Variants in FGGY observed in about 807,000 individuals in gnomAD.
The protein encoded by FGGY is FGGY carbohydrate kinase domain containing.
Under a neutral mutation model 71.3 loss-of-function variants are expected in FGGY, and 72 were observed. The observed-to-expected ratio is 1.01, with a 90% CI of 0.84 to 1.23. FGGY has a LOEUF of 1.23. FGGY is among the 50% of genes most tolerant of loss of function. The probability of loss-of-function intolerance (pLI) is 0.00; values close to 1 mark genes in which losing one functional copy is unlikely to be tolerated. For missense variants in FGGY, 668 were observed against 682.3 expected, an observed-to-expected ratio of 0.98 and a Z score of 0.23; for synonymous variants, 251 against 250.3, an observed-to-expected ratio of 1.00 and a Z score of -0.02.
chr1:59,451,593 GT>G (rs2072745380), intron 5 of FGGY, among the ~76,000 whole-genome samples: 2 of 152,062 alleles, frequency 1.3e-5, no homozygotes, highest in Non-Finnish European at 2.9e-5. Context: ...GGGTCTCAGT[GT>G]CTACTGGTTC....
intron 14 of FGGY, among the ~76,000 whole-genome samples, chr1:59,741,043 C>T (rs1475511812): frequency 2.6e-5 from 4 of 152,198 alleles, no homozygotes; most frequent in African/African-American, 7.2e-5. Context: ...AGTTCACTTA[C>T]ACTTTTTTAA....
At chr1:59,451,771 G>C (rs79212178) in intron 5 of FGGY, among the ~76,000 whole-genome samples, 1,750 of 152,196 alleles carry the variant, frequency 0.011, 34 homozygotes, top group African/African-American at 0.04. Flanking sequence ...ATAATATTTT[G>C]TCTGGGTATA....
At chr1:59,409,859 A>G (rs2063344336) in intron 5 of FGGY, among the ~76,000 whole-genome samples, 1 of 152,154 alleles carries the variant, frequency 6.6e-6, no homozygotes, top group African/African-American at 2.4e-5. Flanking sequence ...GTTTTATGCA[A>G]TATGCATCTA....
chr1:59,453,870 G>C (rs547528207), intron 5 of FGGY, among the ~76,000 whole-genome samples: 146 of 152,280 alleles, frequency 9.6e-4, no homozygotes, highest in African/African-American at 3.3e-3. Flanking sequence ...CCTACAATGT[G>C]GGGGACAGGA....
intron 14 of FGGY, among the ~76,000 whole-genome samples, chr1:59,743,632 C>T (rs2101460849): frequency 6.6e-6 from 1 of 151,274 alleles, no homozygotes; most frequent in South Asian, 2.1e-4. Context: ...ACATCATGTG[C>T]CTATCTATAA....
chr1:59,588,934 T>C (rs374356260), intron 8 of FGGY, among the ~76,000 whole-genome samples: 1 of 152,124 alleles, frequency 6.6e-6, no homozygotes, highest in South Asian at 2.1e-4. Flanking sequence ...AATTCACACA[T>C]AACAATATTA....
chr1:59,710,449 G>A (rs2097785828), intron 14 of FGGY, among the ~76,000 whole-genome samples: 1 of 152,134 alleles, frequency 6.6e-6, no homozygotes, highest in Admixed American at 6.5e-5. Flanking sequence ...TGACAAATGG[G>A]ATCTAATTAA....
intron 4 of FGGY, among the ~76,000 whole-genome samples, chr1:59,368,308 C>G (rs995697335): frequency 4.6e-5 from 7 of 152,194 alleles, no homozygotes; most frequent in Non-Finnish European, 2.9e-5. Context: ...GTCTTTTCTT[C>G]TGTAAAGAGT....
chr1:59,697,091 G>C (rs538006587), intron 14 of FGGY, among the ~76,000 whole-genome samples: 1 of 152,224 alleles, frequency 6.6e-6, no homozygotes, highest in South Asian at 2.1e-4. Flanking sequence ...AAATGTTGAA[G>C]GTCATGCTTC....
chr1:59,324,332 A>G (rs1207160437), intron 2 of FGGY, among the ~76,000 whole-genome samples: 1 of 119,510 alleles, frequency 8.4e-6, no homozygotes, highest in Non-Finnish European at 1.6e-5. Context: ...GCTGGAGTGC[A>G]GTGGCGGGAT....
At chr1:59,362,919 C>G (rs1188307023) in intron 4 of FGGY, among the ~76,000 whole-genome samples, 1 of 152,144 alleles carries the variant, frequency 6.6e-6, no homozygotes, top group Non-Finnish European at 1.5e-5. Flanking sequence ...CAAACCAGGA[C>G]TGACAGACCA....
intron 8 of FGGY, among the ~76,000 whole-genome samples, chr1:59,599,285 G>A (rs1457053745): frequency 1.3e-5 from 2 of 151,872 alleles, no homozygotes; most frequent in Non-Finnish European, 2.9e-5. Context: ...TGTATTTTTA[G>A]TAGAGCCAGG....
At chr1:59,411,331 A>G (rs2063570705) in intron 5 of FGGY, among the ~76,000 whole-genome samples, 1 of 152,260 alleles carries the variant, frequency 6.6e-6, no homozygotes, top group African/African-American at 2.4e-5. Context: ...AGTGCATCAC[A>G]GCAGGAGGCA....
chr1:59,750,505 T>G (rs1349434220), intron 14 of FGGY, among the ~76,000 whole-genome samples: 5 of 152,228 alleles, frequency 3.3e-5, no homozygotes, highest in Non-Finnish European at 7.3e-5. Context: ...TCTAAAGATA[T>G]GTAAATGTGT....
intron 7 of FGGY, among the ~76,000 whole-genome samples, chr1:59,527,348 T>G (rs776259791): frequency 6.6e-6 from 1 of 152,194 alleles, no homozygotes; most frequent in Non-Finnish European, 1.5e-5. Flanking sequence ...CCCTGTAGAG[T>G]CATAGTTGCA....
intron 6 of FGGY, among the ~76,000 whole-genome samples, chr1:59,500,631 A>C (rs1159496936): frequency 6.9e-6 from 1 of 144,038 alleles, no homozygotes; most frequent in Non-Finnish European, 1.5e-5. Flanking sequence ...TTCTAAGATC[A>C]CACTCTTCAT....
chr1:59,602,110 A>G (rs572475125), intron 8 of FGGY, among the ~76,000 whole-genome samples: 12 of 152,232 alleles, frequency 7.9e-5, no homozygotes, highest in Non-Finnish European at 1.5e-4. Flanking sequence ...GAAAACCTCA[A>G]AGACAAAAGA....
At chr1:59,549,137 T>C (rs2095569794) in intron 7 of FGGY, among the ~76,000 whole-genome samples, 1 of 152,188 alleles carries the variant, frequency 6.6e-6, no homozygotes, top group African/African-American at 2.4e-5. Context: ...ATTCTTATCC[T>C]TCCAGAAGCA....
chr1:59,321,862 A>G (rs764515786), intron 2 of FGGY, 112 bp downstream of exon 2: 62 of 1,064,518 alleles, frequency 5.8e-5, no homozygotes, highest in Non-Finnish European at 8.2e-5. Context: ...AGAGGTAAGC[A>G]AGACATAGGC....
Sources: allele counts gnomAD v4.1 joint callset (sites outside exome capture counted in the v4.1 genomes callset), GRCh38; gene constraint gnomAD v4.1.1; transcripts MANE v1.5; gene names NCBI Gene and HGNC (gene_info 2026-07-23, HGNC 2026-07-21).